FOCAD: variants seen among roughly 807,000 people sequenced by gnomAD.
FOCAD encodes KIAA1797.
A neutral mutation model predicts 225.6 loss-of-function variants in FOCAD; 198 were observed. The ratio of observed to expected loss-of-function variants is 0.88; its 90% CI spans 0.78 to 0.99. The LOEUF (loss-of-function observed/expected upper bound fraction) is 0.99. Among genes scored for constraint, FOCAD ranks in the 50% least tolerant of loss-of-function variants. The pLI, the probability that FOCAD is intolerant of heterozygous loss-of-function variation, is 0.00. For synonymous variants in FOCAD, 897 were observed against 755.0 expected, an observed-to-expected ratio of 1.19 and a Z score of -3.08; for missense variants, 2,713 against 2,123.6, an observed-to-expected ratio of 1.28 and a Z score of -5.46.
intron 22 of FOCAD, among the ~76,000 whole-genome samples, chr9:20,909,666 A>G (rs1414462132): frequency 6.6e-6 from 1 of 152,150 alleles, no homozygotes; most frequent in Non-Finnish European, 1.5e-5. Flanking sequence ...ATGGATTAAA[A>G]TAAGATTTGC....
At chr9:20,670,611 C>G (rs1168223051) in intron 2 of FOCAD, among the ~76,000 whole-genome samples, 1 of 152,134 alleles carries the variant, frequency 6.6e-6, no homozygotes, top group East Asian at 1.9e-4. Context: ...CCCTCATAAT[C>G]CAATCACTTC....
At chr9:20,840,586 AT>A (rs910353411) in intron 15 of FOCAD, among the ~76,000 whole-genome samples, 4 of 143,756 alleles carry the variant, frequency 2.8e-5, no homozygotes, top group African/African-American at 9.9e-5. Flanking sequence ...AATGCCACTG[AT>A]TTTTTAATGT....
intron 19 of FOCAD, among the ~76,000 whole-genome samples, chr9:20,880,402 C>T (rs1353822145): frequency 1.3e-5 from 2 of 152,146 alleles, no homozygotes; most frequent in Non-Finnish European, 2.9e-5. Context: ...CTGCAAGAAG[C>T]CCTGTGTCTG....
At chr9:20,908,858 T>C (rs992893991) in intron 22 of FOCAD, among the ~76,000 whole-genome samples, 1 of 152,082 alleles carries the variant, frequency 6.6e-6, no homozygotes, top group Non-Finnish European at 1.5e-5. Context: ...ACATGTTTTA[T>C]TGGGGAGGTC....
intron 15 of FOCAD, among the ~76,000 whole-genome samples, chr9:20,855,283 A>T (rs1451511413): frequency 6.6e-6 from 1 of 151,854 alleles, no homozygotes; most frequent in East Asian, 1.9e-4. Flanking sequence ...CTAACATTAA[A>T]TATGAATAAT....
chr9:20,966,597 A>G (rs1350998381), intron 35 of FOCAD, among the ~76,000 whole-genome samples: 2 of 152,118 alleles, frequency 1.3e-5, no homozygotes, highest in East Asian at 3.8e-4. Context: ...GCCAAATCCA[A>G]GGTCAAAGAT....
chr9:20,957,689 T>TATTTATTTA (rs1838325389), intron 35 of FOCAD: 3 of 141,862 alleles, frequency 2.1e-5, no homozygotes, highest in Admixed American at 1.4e-4. Flanking sequence ...TTTTTTTTTT[T>TATTTATTTA]TTTTTTTTTT....
intron 31 of FOCAD, 80 bp from the exon 32 acceptor site, chr9:20,948,771 C>T: frequency 6.8e-7 from 1 of 1,474,680 alleles, no homozygotes; most frequent in South Asian, 1.2e-5. Flanking sequence ...CCATTTATTT[C>T]TCCGTGTCCT....
At position 20,658,608 on chromosome 9, in the gene FOCAD, G is replaced by A. The variant is rs185186658; in HGVS notation, c.-213-83G>A. The A allele has an allele frequency of 6.6e-3, 1,013 of 154,054 alleles. 14 individuals are homozygous for A. The highest frequency in any genetic ancestry group is 0.023 in the African/African-American group (970 of 41,592). 9.5% of individuals were successfully genotyped at this position (154,054 alleles called of 1,614,324 possible). A position where few individuals can be genotyped will look rare whatever the true frequency, so the allele number is the denominator to read the frequency against. ...ACTCCCTGACCCCTTGCGCTTCCCA[G>A]GTGAGGCAATGCCTCGCCCTGCTTC... is the stretch of plus-strand genomic sequence containing the variant. On this transcript the variant is annotated intron_variant, in intron 1 of 45. Coordinates refer to the FOCAD transcript ENST00000380249.
intron 11 of FOCAD, among the ~76,000 whole-genome samples, chr9:20,810,417 T>C (rs1370954596): frequency 6.6e-6 from 1 of 152,162 alleles, no homozygotes; most frequent in Non-Finnish European, 1.5e-5. Context: ...CACCTAATTA[T>C]ACATTATACT....
intron 6 of FOCAD, among the ~76,000 whole-genome samples, chr9:20,759,420 T>C (rs1829362817): frequency 6.6e-6 from 1 of 152,186 alleles, no homozygotes; most frequent in African/African-American, 2.4e-5. Flanking sequence ...TATCTACAAC[T>C]ATCTGATCTT....
intron 39 of FOCAD, 22 bp from the exon 40 acceptor site, chr9:20,986,266 A>ATTTTTCTTTTTTTTTTTTT (rs1841143517): frequency 1.6e-6 from 1 of 606,560 alleles, no homozygotes; most frequent in Non-Finnish European, 2.1e-6. Context: ...TAACTAAACA[A>ATTTTTCTTTTTTTTTTTTT]TTTTTTTTTT....
chr9:20,850,309 T>A (rs1827522426), intron 15 of FOCAD, among the ~76,000 whole-genome samples: 1 of 151,734 alleles, frequency 6.6e-6, no homozygotes, highest in Non-Finnish European at 1.5e-5. Context: ...ATTTTATTTT[T>A]ATTTTTTTAT....
At chr9:20,768,939 T>C (rs1817888693) in intron 7 of FOCAD, among the ~76,000 whole-genome samples, 4 of 152,174 alleles carry the variant, frequency 2.6e-5, no homozygotes. Flanking sequence ...GAGCCTTTAA[T>C]GCTAGGTTGC....
chr9:20,724,772 G>A (rs903677653), intron 4 of FOCAD, among the ~76,000 whole-genome samples: 1 of 151,474 alleles, frequency 6.6e-6, no homozygotes, highest in African/African-American at 2.4e-5. Context: ...TCCATTTTAA[G>A]AAACAAGCTA....
intron 35 of FOCAD, among the ~76,000 whole-genome samples, chr9:20,953,411 G>A (rs1343221390): frequency 6.6e-6 from 1 of 152,196 alleles, no homozygotes; most frequent in Non-Finnish European, 1.5e-5. Context: ...ACACCTGGGT[G>A]CAGTTTCTAT....
chr9:20,816,249 T>C (rs1008778495), intron 11 of FOCAD, among the ~76,000 whole-genome samples: 1 of 152,188 alleles, frequency 6.6e-6, no homozygotes, highest in Non-Finnish European at 1.5e-5. Flanking sequence ...AAAATGTCAG[T>C]AAATATACTC....
At position 20,845,425 on chromosome 9, in the gene FOCAD, T is replaced by C. The variant is rs541877910; in HGVS notation, c.1921-17153T>C. On this transcript the variant is annotated intron_variant, in intron 15 of 43. Coordinates refer to ENST00000338382, the MANE Select transcript of FOCAD (RefSeq NM_001375567.1). The stretch of plus-strand genomic sequence containing the variant: ...CTGATTCTTCTCCTCTTGATATATT[T>C]TATGCATCTTTTCCTCGATATATAT... Among the ~76,000 whole-genome samples, 3 of 114,400 alleles carry C rather than the reference T, an allele frequency of 2.6e-5. No homozygotes were observed. The South Asian group carries it at 8.6e-4, about 33-fold the overall frequency. 75.1% of individuals were successfully genotyped at this position (114,400 alleles called of 152,430 possible). A position where few individuals can be genotyped will look rare whatever the true frequency, so the allele number is the denominator to read the frequency against.
chr9:20,734,766 C>G (rs969093158), intron 4 of FOCAD, among the ~76,000 whole-genome samples: 12 of 151,928 alleles, frequency 7.9e-5, no homozygotes, highest in African/African-American at 2.9e-4. Flanking sequence ...CACCTCGGTC[C>G]CCCAAGTAGC....
Sources: gnomAD v4.1 joint callset for allele counts (sites outside exome capture counted in the v4.1 genomes callset) on GRCh38, gnomAD v4.1.1 for gene constraint, MANE v1.5 for transcripts, NCBI Gene and HGNC (gene_info 2026-07-23, HGNC 2026-07-21) for gene names.